UNC5D: variants seen among roughly 807,000 people sequenced by gnomAD.
UNC5D encodes netrin receptor UNC5D.
Under a neutral mutation model 105.4 loss-of-function variants are expected in UNC5D, and 39 were observed. The observed-to-expected ratio is 0.37, with a 90% CI of 0.29 to 0.48. UNC5D has a LOEUF of 0.48. UNC5D is among the 20% of genes least tolerant of loss of function. The pLI is 0.98. For missense variants in UNC5D, 991 were observed against 1,202.4 expected (o/e 0.82, Z 2.60); for synonymous variants, 452 against 450.4 (o/e 1.00, Z -0.04).
chr8:35,239,808 A>G, intron 1 of UNC5D, among the ~76,000 whole-genome samples: 1 of 152,168 alleles, frequency 6.6e-6, no homozygotes, highest in East Asian at 1.9e-4. Context: ...GATCAATGGA[A>G]ACGTTCCCTA....
chr8:35,537,863 T>C (rs1433491592), intron 1 of UNC5D, among the ~76,000 whole-genome samples: 1 of 151,954 alleles, frequency 6.6e-6, no homozygotes, highest in Non-Finnish European at 1.5e-5. Context: ...CACAGCTTCA[T>C]TTATTTTTAT....
At chr8:35,468,077 T>A (rs1289694869) in intron 1 of UNC5D, among the ~76,000 whole-genome samples, 1 of 152,218 alleles carries the variant, frequency 6.6e-6, no homozygotes, top group Non-Finnish European at 1.5e-5. Context: ...ATTTACCTGC[T>A]TTTACTATGA....
intron 1 of UNC5D, among the ~76,000 whole-genome samples, chr8:35,466,037 G>C (rs1809283745): frequency 1.3e-5 from 2 of 152,162 alleles, no homozygotes; most frequent in Non-Finnish European, 2.9e-5. Context: ...TTTGCCCAGT[G>C]ATGCCTGTAT....
intron 1 of UNC5D, 29 bp downstream of exon 1, chr8:35,235,916 G>A: frequency 1.1e-6 from 1 of 918,082 alleles, no homozygotes. Context: ...GGGCAGCTGG[G>A]GGCGAGGGCG....
chr8:35,245,519 G>T (rs1439746110), intron 1 of UNC5D, among the ~76,000 whole-genome samples: 3 of 152,074 alleles, frequency 2.0e-5, no homozygotes, highest in African/African-American at 7.2e-5. Context: ...ATGTTCACAG[G>T]TTTTGTCAGT....
intron 3 of UNC5D, among the ~76,000 whole-genome samples, chr8:35,581,277 T>C (rs928606476): frequency 2.0e-5 from 3 of 151,930 alleles, no homozygotes; most frequent in African/African-American, 7.3e-5. Context: ...TTCGGTGGAG[T>C]CTTTCGCTCC....
At chr8:35,528,293 A>G (rs1300943377) in intron 1 of UNC5D, among the ~76,000 whole-genome samples, 1 of 150,030 alleles carries the variant, frequency 6.7e-6, no homozygotes, top group Non-Finnish European at 1.5e-5. Flanking sequence ...GAGAATATGC[A>G]GTGTTTGGTT....
intron 1 of UNC5D, among the ~76,000 whole-genome samples, chr8:35,400,532 T>A (rs567768670): frequency 1.3e-5 from 2 of 152,126 alleles, no homozygotes; most frequent in South Asian, 4.1e-4. Flanking sequence ...TAAAAACAGA[T>A]GTAAACTTCA....
At chr8:35,264,649 G>C (rs1180109022) in intron 1 of UNC5D, among the ~76,000 whole-genome samples, 1 of 150,520 alleles carries the variant, frequency 6.6e-6, no homozygotes, top group Non-Finnish European at 1.5e-5. Flanking sequence ...AGAATTGCTT[G>C]AACCCCGGAG....
At chr8:35,590,547 A>T (rs932962711) in intron 3 of UNC5D, among the ~76,000 whole-genome samples, 1 of 152,140 alleles carries the variant, frequency 6.6e-6, no homozygotes, top group Non-Finnish European at 1.5e-5. Context: ...AGTGTCTCTG[A>T]AAAATGCACT....
chr8:35,759,430 C>A lies in UNC5D; in HGVS notation c.2274C>A (p.Pro758=), dbSNP rs761747324. The A allele has an allele frequency of 6.2e-7, 1 of 1,614,034 alleles. No homozygotes were observed. Among genetic ancestry groups the A allele is most frequent in the Non-Finnish European group, 8.5e-7 (1 of 1,179,962 alleles). ...FSLQISVLDI[P]PFLWRIKPFT... ...TTCAGATTTCTGTCCTTGATATTCCCCCATTCCTCTGGAGAATTAAACCAT... is the reference window on the plus strand; with the variant it reads ...TTCAGATTTCTGTCCTTGATATTCCACCATTCCTCTGGAGAATTAAACCAT... Residue 758 remains proline, a synonymous_variant, in exon 14 of 17, where the codon CCC becomes CCA. Coordinates refer to ENST00000404895, the MANE Select transcript of UNC5D (RefSeq NM_080872.4).
At chr8:35,640,849 A>T (rs993310430) in intron 4 of UNC5D, among the ~76,000 whole-genome samples, 1 of 152,044 alleles carries the variant, frequency 6.6e-6, no homozygotes, top group Non-Finnish European at 1.5e-5. Context: ...TTTGAAATCA[A>T]TTTTTTAGAA....
chr8:35,674,235 G>A (rs1825036786), intron 4 of UNC5D, among the ~76,000 whole-genome samples: 1 of 152,100 alleles, frequency 6.6e-6, no homozygotes, highest in African/African-American at 2.4e-5. Flanking sequence ...TTTCTTTAAT[G>A]GTGATAAGTT....
chr8:35,241,077 T>A (rs1457311291), intron 1 of UNC5D, among the ~76,000 whole-genome samples: 2 of 152,088 alleles, frequency 1.3e-5, no homozygotes, highest in African/African-American at 4.8e-5. Flanking sequence ...ATGTGGAGCA[T>A]GAGATTTGAG....
chr8:35,488,964 G>A (rs1414598320), intron 1 of UNC5D, among the ~76,000 whole-genome samples: 4 of 151,940 alleles, frequency 2.6e-5, no homozygotes, highest in African/African-American at 4.8e-5. Context: ...GTTTGGGGGC[G>A]GGCCGTATAA....
chr8:35,688,564 A>T (rs1451436927), intron 7 of UNC5D, among the ~76,000 whole-genome samples: 5 of 152,196 alleles, frequency 3.3e-5, no homozygotes, highest in Non-Finnish European at 7.4e-5. Context: ...GCTGTAATGG[A>T]AGACCACCTA....
chr8:35,739,220 C>T (rs896009710), intron 11 of UNC5D, among the ~76,000 whole-genome samples: 1 of 152,076 alleles, frequency 6.6e-6, no homozygotes, highest in African/African-American at 2.4e-5. Context: ...GTACTCTATT[C>T]CCCAGTGAAA....
rs1013121651 is a variant in UNC5D at position 35,795,142 on chromosome 8, T to C, written c.*4579T>C. On this transcript the variant is annotated 3_prime_UTR_variant, in exon 17 of 17. Coordinates refer to ENST00000404895, the MANE Select transcript of UNC5D (RefSeq NM_080872.4). ...TCATGGTTATGCCTAAGCTTAAAAA[T>C]TCCCTTCCCCACTACTAATATTGAG... is the stretch of plus-strand genomic sequence containing the variant. 10 of 152,122 alleles carry C rather than the reference T, an allele frequency of 6.6e-5. No individual in the cohort carries two copies. Among genetic ancestry groups the C allele is most frequent in the African/African-American group, 2.4e-4 (10 of 41,432 alleles). 9.4% of individuals were successfully genotyped at this position (152,122 alleles called of 1,614,324 possible).
At chr8:35,285,017 G>A (rs1284468858) in intron 1 of UNC5D, among the ~76,000 whole-genome samples, 1 of 152,044 alleles carries the variant, frequency 6.6e-6, no homozygotes, top group Non-Finnish European at 1.5e-5. Flanking sequence ...ACTCATTCTA[G>A]TTGGCTTTGA....
Sources: allele counts gnomAD v4.1 joint callset (sites outside exome capture counted in the v4.1 genomes callset), GRCh38; gene constraint gnomAD v4.1.1; transcripts MANE v1.5; gene names NCBI Gene and HGNC (gene_info 2026-07-23, HGNC 2026-07-21).